Variants in SPTBN2 observed in about 807,000 individuals in gnomAD.
The protein encoded by SPTBN2 is spectrin beta, non-erythrocytic 2, also known as spectrin beta chain, non-erythrocytic 2.
In SPTBN2, 107 loss-of-function variants were observed where a neutral mutation model predicts 284.2. The ratio of observed to expected loss-of-function variants is 0.38; its 90% CI spans 0.32 to 0.44. The LOEUF is 0.44. SPTBN2 is among the 20% of genes least tolerant of loss of function. The probability of loss-of-function intolerance (pLI) is 1.00; values close to 1 mark genes in which losing one functional copy is unlikely to be tolerated. For synonymous variants in SPTBN2, 1,289 were observed against 1,354.8 expected (o/e 0.95, Z 1.07); for missense variants, 2,569 against 3,287.1 (o/e 0.78, Z 5.34).
At chr11:66,692,425 G>A (rs1032962667) in intron 26 of SPTBN2, 111 bp downstream of exon 26, 2 of 1,317,116 alleles carry the variant, frequency 1.5e-6, no homozygotes, top group Non-Finnish European at 2.1e-6. Flanking sequence ...GCTCAGCCTG[G>A]TCTTGCCCCT....
In SPTBN2 at chr11:66,710,442, G is replaced by T; in HGVS notation, c.1073+140C>A. On this transcript the variant is annotated intron_variant, in intron 10 of 37. Transcript: ENST00000533211. The surrounding 1 kb of genome is among the most constrained non-coding windows in gnomAD (Gnocchi z 4.9). ...AAAAATTTTATTTTGTATCAACTAT[G>T]TTGTTTGGATGCTTCTGGTGTGGGA... The T allele has an allele frequency of 1.2e-6, 1 of 858,216 alleles. No homozygotes were observed. Among genetic ancestry groups the T allele is most frequent in the Non-Finnish European group, 1.8e-6 (1 of 547,916 alleles). The allele number at this position is 858,216 out of a possible 1,614,324, so 53.2% of individuals were successfully genotyped here.
At chr11:66,690,350 C>T in intron 27 of SPTBN2, 67 bp from the exon 28 acceptor site, 1 of 1,482,140 alleles carries the variant, frequency 6.7e-7, no homozygotes, top group Non-Finnish European at 8.9e-7. Flanking sequence ...TGCCTCAGTC[C>T]TGGCTGCCAC....
intron 21 of SPTBN2, 60 bp downstream of exon 21, chr11:66,696,217 T>C: frequency 6.3e-7 from 1 of 1,598,348 alleles, no homozygotes; most frequent in East Asian, 2.2e-5. Context: ...TCCCAAATCT[T>C]GAAAGCTGCA....
At chr11:66,742,312 C>T (rs1032801247) in intron 1 of SPTBN2, among the ~76,000 whole-genome samples, 5 of 152,286 alleles carry the variant, frequency 3.3e-5, no homozygotes, top group African/African-American at 9.6e-5. Flanking sequence ...CGTGGGTTTA[C>T]GCTACGGAAG....
intron 1 of SPTBN2, among the ~76,000 whole-genome samples, chr11:66,722,897 A>G (rs1223399632): frequency 1.3e-5 from 2 of 151,096 alleles, no homozygotes; most frequent in African/African-American, 4.9e-5. Context: ...TGCCTCAAAA[A>G]AAAAAAAAAA....
rs1942271012 is a variant in SPTBN2, at chr11:66,718,964, C to G, written c.157+2120G>C. Among the ~76,000 whole-genome samples the G allele has an allele frequency of 1.3e-5, 2 of 152,168 alleles. No homozygotes were observed. The highest frequency in any genetic ancestry group is 2.9e-5 in the Non-Finnish European group (2 of 68,026). Reference sequence around the variant, plus strand: ...CACTGCCAGCGCCTTCAAGACCCGCCCATCAGGCCCCAAGTTACCTAACAA... The same window carrying G: ...CACTGCCAGCGCCTTCAAGACCCGCGCATCAGGCCCCAAGTTACCTAACAA... On this transcript the variant is annotated intron_variant, in intron 3 of 37. Transcript: ENST00000533211. The surrounding 1 kb of genome is among the most constrained non-coding windows in gnomAD (Gnocchi z 4.8).
chr11:66,732,348 T>C (rs561633840), upstream of SPTBN2, among the ~76,000 whole-genome samples: 9 of 152,188 alleles, frequency 5.9e-5, no homozygotes, highest in Non-Finnish European at 1.2e-4. Context: ...ATGGTGTACA[T>C]AGGAAATGGA....
At chr11:66,720,127 C>T (rs1942325795) in intron 3 of SPTBN2, among the ~76,000 whole-genome samples, 1 of 152,130 alleles carries the variant, frequency 6.6e-6, no homozygotes, top group African/African-American at 2.4e-5. Flanking sequence ...AAAAACATCC[C>T]TGGGTGATCC....
chr11:66,706,888 T>C (rs1362520081), intron 13 of SPTBN2, among the ~76,000 whole-genome samples: 2 of 152,262 alleles, frequency 1.3e-5, no homozygotes. Context: ...TGCCTTGGCC[T>C]CCCAAAGAGC....
At position 66,691,630 on chromosome 11, in the gene SPTBN2, G is replaced by C. The variant is rs747582537; in HGVS notation, c.5219C>G (p.Ser1740Cys). The C allele has an allele frequency of 6.2e-7, 1 of 1,613,844 alleles. No individual in the cohort carries two copies. Among genetic ancestry groups the C allele is most frequent in the Middle Eastern group, 1.6e-4 (1 of 6,062 alleles). The change falls in exon 27 of 38, where the codon TCC (serine) becomes TGC (cysteine). Residue 1740 changes from serine to cysteine, a missense_variant. Physicochemically the swap from Ser to Cys is moderately radical, Grantham distance 112. Transcript: ENST00000533211. The surrounding 1 kb of genome is among the most constrained non-coding windows in gnomAD (Gnocchi z 8.0). ...TMLRDKFREFSRDTSTIGQER... is the reference protein window; with the variant it reads ...TMLRDKFREFCRDTSTIGQER... ...CTGACCGATGGTGCTTGTGTCCCGG[G>C]AGAACTCTCGGAATTTGTCTCGGAG...
At chr11:66,690,409 G>T in intron 27 of SPTBN2, 126 bp from the exon 28 acceptor site, 1 of 1,325,346 alleles carries the variant, frequency 7.5e-7, no homozygotes, top group Non-Finnish European at 1.0e-6. Flanking sequence ...GGAGGAGCCA[G>T]GGAGTGGGGG....
intron 1 of SPTBN2, among the ~76,000 whole-genome samples, chr11:66,724,740 T>C (rs1286645161): frequency 6.6e-6 from 1 of 152,180 alleles, no homozygotes; most frequent in Admixed American, 6.5e-5. Context: ...TTCAGCTTCA[T>C]GGAACCAGTT....
In SPTBN2 at chr11:66,699,461, CAG is replaced by C; in HGVS notation, c.3719_3720del (p.Ser1240Ter). 6.2e-7 allele frequency: 1 copy of C among 1,614,178 alleles called. No individual in the cohort carries two copies. The highest frequency in any genetic ancestry group is 8.5e-7 in the Non-Finnish European group (1 of 1,180,036). ...GLLEAGRQLV[S>X]EGNIHADKIR... Reference sequence around the variant, plus strand: ...ATCTTGTCGGCGTGGATGTTGCCTTCAGATACCAGCTGGCGGCCAGCCTCCAG... The same window carrying C: ...ATCTTGTCGGCGTGGATGTTGCCTTCATACCAGCTGGCGGCCAGCCTCCAG... On this transcript the variant is annotated frameshift_variant, in exon 18 of 38. Coordinates refer to ENST00000533211, the MANE Select transcript of SPTBN2 (RefSeq NM_006946.4). LOFTEE classifies it high-confidence loss of function.
chr11:66,740,740 G>A (rs1942890376), intron 1 of SPTBN2, among the ~76,000 whole-genome samples: 2 of 152,308 alleles, frequency 1.3e-5, no homozygotes, highest in Middle Eastern at 3.4e-3. Flanking sequence ...TAGTTGCTTG[G>A]TTCTTTCCCA....
At chr11:66,689,969 C>A (rs771710402) in intron 28 of SPTBN2, 26 bp from the exon 29 acceptor site, 2 of 1,613,542 alleles carry the variant, frequency 1.2e-6, no homozygotes, top group Non-Finnish European at 1.7e-6. Context: ...AACAGCATCA[C>A]CTGCTGCCCA....
In SPTBN2 at chr11:66,683,875, T is replaced by C. The variant is rs1422137565; in HGVS notation, c.*1996A>G. On this transcript the variant is annotated 3_prime_UTR_variant, in exon 38 of 38. Coordinates refer to ENST00000533211, the MANE Select transcript of SPTBN2 (RefSeq NM_006946.4). ...TATGACTGTCTCTTCAGTGGAGATT[T>C]TACAGTTGTATTTGAAGAAAAGATG... Among the ~76,000 whole-genome samples, 2 of 152,240 alleles carry C rather than the reference T, an allele frequency of 1.3e-5. No homozygotes were observed. The highest frequency in any genetic ancestry group is 2.9e-5 in the Non-Finnish European group (2 of 68,034).
In SPTBN2 at chr11:66,721,371, GC is replaced by G; in HGVS notation, c.-45del. 7.7e-7 allele frequency: 1 copy of G among 1,300,630 alleles called. No homozygotes were observed. Among genetic ancestry groups the G allele is most frequent in the Non-Finnish European group, 1.1e-6 (1 of 909,706 alleles). The allele number at this position is 1,300,630 out of a possible 1,614,324, so 80.6% of individuals were successfully genotyped here. On this transcript the variant is annotated 5_prime_UTR_variant, in exon 2 of 38. Coordinates refer to ENST00000533211, the MANE Select transcript of SPTBN2 (RefSeq NM_006946.4). ...CTACCTGTGCTCCGCTCTCCTTGTGGCCAGAGGCTGCGGTTGGCTGCTCAGT... is the reference window on the plus strand; with the variant it reads ...CTACCTGTGCTCCGCTCTCCTTGTGGCAGAGGCTGCGGTTGGCTGCTCAGT...
chr11:66,725,476 C>T (rs1329716643), intron 1 of SPTBN2, among the ~76,000 whole-genome samples: 1 of 152,184 alleles, frequency 6.6e-6, no homozygotes, highest in East Asian at 1.9e-4. Context: ...GATCATTCCT[C>T]ACCTATGACC....
chr11:66,688,616 A>G, intron 31 of SPTBN2, 37 bp downstream of exon 31: 1 of 1,612,064 alleles, frequency 6.2e-7, no homozygotes, highest in South Asian at 1.1e-5. Context: ...TCAGGGGAGC[A>G]GGTTGGAGTG....
Sources: allele counts gnomAD v4.1 joint callset (sites outside exome capture counted in the v4.1 genomes callset), GRCh38; gene constraint gnomAD v4.1.1; non-coding constraint Gnocchi (gnomAD v3.1); transcripts MANE v1.5; gene names NCBI Gene and HGNC (gene_info 2026-07-23, HGNC 2026-07-21).